The following COL6A6 variants were observed in gnomAD, a reference collection of about 807,000 sequenced individuals.
COL6A6 encodes collagen type VI alpha 6 chain, also known as collagen alpha-6(VI) chain.
COL6A6 carries 183 observed loss-of-function variants against 208.6 expected under a neutral mutation model. That is an observed-to-expected ratio of 0.88 (90% confidence interval 0.78 to 0.99). The LOEUF is 0.99. Ranked by LOEUF, COL6A6 falls within the 50% of genes least tolerant of loss-of-function variation. The pLI, the probability that COL6A6 is intolerant of heterozygous loss-of-function variation, is 0.00. For missense variants in COL6A6, 2,816 were observed against 2,815.2 expected (o/e 1.00, Z -0.01); for synonymous variants, 973 against 1,011.8 (o/e 0.96, Z 0.73).
At chr3:130,543,700 A>C (rs927257799) in intron 1 of COL6A6, among the ~76,000 whole-genome samples, 4 of 152,184 alleles carry the variant, frequency 2.6e-5, no homozygotes, top group South Asian at 4.1e-4. Context: ...ACACACACAC[A>C]TACAAGCATA....
intron 1 of COL6A6, among the ~76,000 whole-genome samples, chr3:130,553,856 G>T (rs73870090): frequency 3.3e-4 from 8 of 24,066 alleles, no homozygotes; most frequent in Non-Finnish European, 2.1e-3. Context: ...GTTTTTTTTT[G>T]TTTTGTTTTG....
rs1022318956 is a variant in COL6A6 at position 130,568,489 on chromosome 3, C to T, written c.2286C>T (p.Val762=). ...CTGTGGGAGTGTTTGGCTCCAATGT[C>T]ACCCAGCTTGAGGAGATCAGTGGGA... ...IYSVGVFGSN[V]TQLEEISGRP... Residue 762 remains valine (V), a synonymous_variant, in exon 6 of 37, where the codon GTC becomes GTT. Transcript: ENST00000358511. 2.5e-6 allele frequency: 4 copies of T among 1,613,734 alleles called. No homozygotes were observed. Among genetic ancestry groups the T allele is most frequent in the African/African-American group, 2.7e-5 (2 of 74,922 alleles).
intron 12 of COL6A6, among the ~76,000 whole-genome samples, chr3:130,590,282 TATATATATATATATATA>T (rs1252686326): frequency 9.1e-4 from 21 of 23,076 alleles, no homozygotes; most frequent in African/African-American, 1.7e-3. Flanking sequence ...TATATATATA[TATATATATATATATATA>T]TTTTTTTTTT....
At chr3:130,537,165 G>A (rs567367803) in intron 1 of COL6A6, among the ~76,000 whole-genome samples, 1 of 152,154 alleles carries the variant, frequency 6.6e-6, no homozygotes, top group African/African-American at 2.4e-5. Flanking sequence ...CAATTAGATT[G>A]TCTGTTTCCC....
intron 1 of COL6A6, among the ~76,000 whole-genome samples, chr3:130,546,805 G>C (rs1413848992): frequency 1.3e-5 from 2 of 151,864 alleles, no homozygotes; most frequent in African/African-American, 4.8e-5. Flanking sequence ...ACAGAGTGCT[G>C]ATTGGTGTAT....
At position 130,626,559 on chromosome 3, in the gene COL6A6, G is replaced by T. The variant is rs1287719060; in HGVS notation, c.4941+12G>T. On this transcript the variant is annotated intron_variant, in intron 25 of 36. Transcript: ENST00000358511. ...CTCGTGGCTTGCAGGTTTGTATTTT[G>T]ACACTAGTTTTGATCGGATTCTTGG... The T allele has an allele frequency of 1.2e-6, 2 of 1,600,616 alleles. No homozygotes were observed. The highest frequency in any genetic ancestry group is 3.3e-5 in the Admixed American group (2 of 60,004).
intron 24 of COL6A6, 144 bp from the exon 25 acceptor site, chr3:130,626,341 C>T: frequency 1.5e-6 from 1 of 651,154 alleles, no homozygotes; most frequent in South Asian, 1.9e-5. Context: ...CCTCCCTGGC[C>T]AACAACAGCA....
rs376839638 is a variant in COL6A6 at position 130,567,130 on chromosome 3, G to A, written c.1711G>A (p.Gly571Arg). Residue 571 changes from glycine to arginine, a missense_variant, in exon 5 of 37, where the codon GGG (glycine) becomes AGG (arginine). Transcript: ENST00000358511. ...REEHIRVYAI[G>R]IKEANQTQLR... The stretch of plus-strand genomic sequence containing the variant: ...AGAGCACATCCGAGTTTATGCTATC[G>A]GGATCAAGGAGGCCAACCAAACACA... The A allele has an allele frequency of 9.9e-6, 16 of 1,613,830 alleles. No homozygotes were observed. The highest frequency in any genetic ancestry group is 1.6e-4 in the Middle Eastern group (1 of 6,084).
rs748193793 is a variant in COL6A6, at chr3:130,593,207, T to C, written c.4425T>C (p.Asn1475=). The C allele has an allele frequency of 6.2e-7, 1 of 1,613,196 alleles. No homozygotes were observed. The highest frequency in any genetic ancestry group is 8.5e-7 in the Non-Finnish European group (1 of 1,179,212). Residue 1475 remains asparagine, a synonymous_variant, in exon 17 of 37, where the codon AAT becomes AAC. Coordinates refer to ENST00000358511, the MANE Select transcript of COL6A6 (RefSeq NM_001102608.3). ...CCCTTCTTGTTTTTTAGGGTGATAA[T>C]GGTCTTCCTGGAAGAAAAGGAGAAA... ...IDGLNGEQGD[N]GLPGRKGEKG...
chr3:130,587,449 A>G (rs888185278), intron 11 of COL6A6, among the ~76,000 whole-genome samples: 1 of 152,172 alleles, frequency 6.6e-6, no homozygotes, highest in Non-Finnish European at 1.5e-5. Flanking sequence ...TTTAGTAGAA[A>G]CAGGGTTTTG....
At chr3:130,531,056 A>AGTCT (rs1294781159) in intron 1 of COL6A6, among the ~76,000 whole-genome samples, 328 of 28,038 alleles carry the variant, frequency 0.012, 3 homozygotes, top group African/African-American at 0.023. Context: ...ACACACACAC[A>AGTCT]CACAGTCTCT....
intron 18 of COL6A6, among the ~76,000 whole-genome samples, chr3:130,597,129 A>G (rs576917777): frequency 1.3e-5 from 2 of 152,316 alleles, no homozygotes; most frequent in South Asian, 4.2e-4. Flanking sequence ...TGTCCAGTGA[A>G]ATAAAATTCT....
chr3:130,652,429 A>G (rs1329128676), intron 33 of COL6A6, among the ~76,000 whole-genome samples: 5 of 152,184 alleles, frequency 3.3e-5, no homozygotes, highest in Non-Finnish European at 5.9e-5. Context: ...CGGACTTGCT[A>G]TGGAGTCAGA....
chr3:130,552,102 T>C (rs546224708), intron 1 of COL6A6, among the ~76,000 whole-genome samples: 1 of 152,296 alleles, frequency 6.6e-6, no homozygotes, highest in East Asian at 1.9e-4. Context: ...GTGATGAAAA[T>C]AATGTATATT....
At position 130,649,476 on chromosome 3, in the gene COL6A6, A is replaced by G; in HGVS notation, c.5647A>G (p.Thr1883Ala). The G allele has an allele frequency of 6.2e-7, 1 of 1,610,900 alleles. No individual in the cohort carries two copies. Residue 1883 changes from threonine (T) to alanine (A), a missense_variant, in exon 33 of 37, where the codon ACG becomes GCG. Coordinates refer to ENST00000358511, the MANE Select transcript of COL6A6 (RefSeq NM_001102608.3). ...GQSADAHSIT[T>A]AAMEFGALEI... ...GTCCGCGGATGCCCACTCCATCACCACGGCTGCCATGGAGTTCGGCGCGCT... is the reference window on the plus strand; with the variant it reads ...GTCCGCGGATGCCCACTCCATCACCGCGGCTGCCATGGAGTTCGGCGCGCT...
intron 29 of COL6A6, among the ~76,000 whole-genome samples, chr3:130,642,110 G>A (rs979197567): frequency 7.2e-5 from 11 of 152,106 alleles, no homozygotes; most frequent in Admixed American, 2.0e-4. Context: ...GTCAGGGGGG[G>A]CTCTGTTGCA....
In COL6A6 at chr3:130,574,168, T is replaced by C. The variant is rs748481439; in HGVS notation, c.3190T>C (p.Ser1064Pro). The C allele has an allele frequency of 1.6e-5, 26 of 1,613,882 alleles. No homozygotes were observed. The highest frequency in any genetic ancestry group is 2.7e-5 in the African/African-American group (2 of 74,922). ...LGTFIGEKEISFQIENIKQIF... is the reference protein window; with the variant it reads ...LGTFIGEKEIPFQIENIKQIF... ...AACTTTCATAGGTGAAAAAGAGATA[T>C]CATTTCAGATTGAAAACATCAAGCA... The change falls in exon 8 of 37, where the codon TCA becomes CCA. Residue 1064 changes from serine to proline, a missense_variant. Physicochemically the swap from Ser to Pro is moderately conservative, Grantham distance 74. Transcript: ENST00000358511.
Position 130,574,069 on chromosome 3 carries a change from G to T in COL6A6, c.3091G>T (p.Asp1031Tyr), listed in dbSNP as rs2063233401. Residue 1031 changes from aspartate (D) to tyrosine (Y), a missense_variant, in exon 8 of 37, where the codon GAT becomes TAT. By Grantham distance (160) the Asp-to-Tyr change is radical. Coordinates refer to ENST00000358511, the MANE Select transcript of COL6A6 (RefSeq NM_001102608.3). The part of the protein sequence containing the change: ...EFLASVVQDF[D>Y]VSLNRVRIGA... Reference sequence around the variant, plus strand: ...TCTGGCATCTGTTGTTCAAGACTTTGATGTCAGCCTCAACAGAGTGCGAAT... The same window carrying T: ...TCTGGCATCTGTTGTTCAAGACTTTTATGTCAGCCTCAACAGAGTGCGAAT... 6.2e-7 allele frequency: 1 copy of T among 1,613,842 alleles called. No individual in the cohort carries two copies. Among genetic ancestry groups the T allele is most frequent in the African/African-American group, 1.3e-5 (1 of 74,916 alleles).
chr3:130,592,714 G>C lies in COL6A6; in HGVS notation c.4363G>C (p.Gly1455Arg). The C allele has an allele frequency of 5.0e-6, 8 of 1,611,938 alleles. No homozygotes were observed. The highest frequency in any genetic ancestry group is 6.8e-6 in the Non-Finnish European group (8 of 1,178,502). Residue 1455 changes from glycine to arginine, a missense_variant, in exon 15 of 37, where the codon GGA becomes CGA. By Grantham distance (125) the Gly-to-Arg change is moderately radical (BLOSUM62 -2). Coordinates refer to ENST00000358511, the MANE Select transcript of COL6A6 (RefSeq NM_001102608.3). Reference sequence around the variant, plus strand: ...TTTTCAGGGAAACAGAGGACTAAATGGACAGGAGGTATGTTACCAGGCACA... The same window carrying C: ...TTTTCAGGGAAACAGAGGACTAAATCGACAGGAGGTATGTTACCAGGCACA... ...KGPKGNRGLNGQEGEVGENGI... is the reference protein window; with the variant it reads ...KGPKGNRGLNRQEGEVGENGI...
Sources: gnomAD v4.1 joint callset for allele counts (sites outside exome capture counted in the v4.1 genomes callset) on GRCh38, gnomAD v4.1.1 for gene constraint, MANE v1.5 for transcripts, NCBI Gene and HGNC (gene_info 2026-07-23, HGNC 2026-07-21) for gene names.